PRKCA: variants seen among roughly 807,000 people sequenced by gnomAD.
The protein encoded by PRKCA is protein kinase C alpha type.
PRKCA carries 27 observed loss-of-function variants against 87.0 expected under a neutral mutation model. That is an observed-to-expected ratio of 0.31 (90% CI 0.23 to 0.43). The LOEUF (loss-of-function observed/expected upper bound fraction) is 0.43, where lower values mean the gene tolerates loss of function less well. PRKCA is among the 20% of genes least tolerant of loss of function. The pLI is 1.00. For missense variants in PRKCA, 518 were observed against 852.3 expected (o/e 0.61, Z 4.88); for synonymous variants, 329 against 311.1 (o/e 1.06, Z -0.61).
chr17:66,671,209 CAAAAAAAAAAAAA>C (rs778507190), intron 5 of PRKCA, among the ~76,000 whole-genome samples: 30 of 48,454 alleles, frequency 6.2e-4, no homozygotes, highest in East Asian at 2.7e-3. Flanking sequence ...AGACTCATCT[CAAAAAAAAAAAAA>C]AAAAAAAAAA....
At chr17:66,304,020 C>T (rs1375453112) in intron 1 of PRKCA, among the ~76,000 whole-genome samples, 5 of 152,046 alleles carry the variant, frequency 3.3e-5, no homozygotes, top group Non-Finnish European at 7.4e-5. Context: ...TGAAACAGAC[C>T]CTGTCAACTC....
chr17:66,320,271 A>T (rs1008437865), intron 2 of PRKCA, among the ~76,000 whole-genome samples: 2 of 151,696 alleles, frequency 1.3e-5, no homozygotes, highest in African/African-American at 4.8e-5. Flanking sequence ...TCCAGCCCCT[A>T]CCTCCTATAG....
chr17:66,493,261 ATATATGTG>A, intron 2 of PRKCA, among the ~76,000 whole-genome samples: 1 of 151,252 alleles, frequency 6.6e-6, no homozygotes, highest in Non-Finnish European at 1.5e-5. Context: ...TCTGAGTTGT[ATATATGTG>A]TATATGTGTA....
At chr17:66,309,819 A>G (rs1184831521) in intron 2 of PRKCA, among the ~76,000 whole-genome samples, 1 of 152,088 alleles carries the variant, frequency 6.6e-6, no homozygotes, top group Non-Finnish European at 1.5e-5. Context: ...CAGAGAAAGG[A>G]GAAGAAGACA....
intron 2 of PRKCA, among the ~76,000 whole-genome samples, chr17:66,346,366 A>G (rs150448231): frequency 0.015 from 2,314 of 151,698 alleles, 66 homozygotes; most frequent in African/African-American, 0.053. Context: ...CAAAGTGCTA[A>G]GATTACAGGC....
chr17:66,782,664 G>T (rs1298155129), intron 14 of PRKCA, among the ~76,000 whole-genome samples: 1 of 152,190 alleles, frequency 6.6e-6, no homozygotes, highest in African/African-American at 2.4e-5. Context: ...ACTCATCACT[G>T]CATATTGTGC....
At chr17:66,541,811 G>T (rs1422951425) in intron 3 of PRKCA, among the ~76,000 whole-genome samples, 2 of 152,208 alleles carry the variant, frequency 1.3e-5, no homozygotes, top group African/African-American at 2.4e-5. Flanking sequence ...CAACTGCATT[G>T]TTTAAAACTC....
At chr17:66,534,202 G>T (rs1967680729) in intron 3 of PRKCA, among the ~76,000 whole-genome samples, 1 of 152,248 alleles carries the variant, frequency 6.6e-6, no homozygotes, top group South Asian at 2.1e-4. Context: ...CCTCGGGTAG[G>T]AACTGGGTCA....
chr17:66,653,586 A>C (rs527647827), intron 5 of PRKCA, among the ~76,000 whole-genome samples: 1 of 152,242 alleles, frequency 6.6e-6, no homozygotes, highest in African/African-American at 2.4e-5. Flanking sequence ...GCAAAACCCC[A>C]TCTCCAAAAA....
chr17:66,329,756 A>G (rs1417225866), intron 2 of PRKCA, among the ~76,000 whole-genome samples: 1 of 152,168 alleles, frequency 6.6e-6, no homozygotes, highest in African/African-American at 2.4e-5. Flanking sequence ...GGCAGAGTAA[A>G]GGAAATACCT....
intron 8 of PRKCA, among the ~76,000 whole-genome samples, chr17:66,691,100 C>G (rs569553231): frequency 4.8e-4 from 73 of 152,030 alleles, no homozygotes; most frequent in African/African-American, 1.7e-3. Flanking sequence ...AAGATCACGC[C>G]AGTGCACTCC....
At chr17:66,308,620 A>G (rs1414053168) in intron 2 of PRKCA, among the ~76,000 whole-genome samples, 4 of 152,152 alleles carry the variant, frequency 2.6e-5, no homozygotes. Flanking sequence ...TTCCAATAGT[A>G]TACATTTATT....
chr17:66,358,107 T>C (rs1397696224), intron 2 of PRKCA, among the ~76,000 whole-genome samples: 1 of 152,208 alleles, frequency 6.6e-6, no homozygotes, highest in Non-Finnish European at 1.5e-5. Context: ...TAAGTACTTG[T>C]TTGTGTCATA....
At chr17:66,310,851 A>G (rs1905055288) in intron 2 of PRKCA, among the ~76,000 whole-genome samples, 1 of 152,182 alleles carries the variant, frequency 6.6e-6, no homozygotes, top group Non-Finnish European at 1.5e-5. Flanking sequence ...GCTGAGTTGT[A>G]TGGACACCAA....
intron 5 of PRKCA, chr17:66,677,199 A>G (rs1405298007): frequency 6.6e-6 from 1 of 150,442 alleles, no homozygotes; most frequent in African/African-American, 2.5e-5. Context: ...CCTGCCTCAG[A>G]CCCCTGAGTA....
chr17:66,510,504 C>CA (rs1917175543), intron 3 of PRKCA, among the ~76,000 whole-genome samples: 1 of 152,160 alleles, frequency 6.6e-6, no homozygotes, highest in South Asian at 2.1e-4. Context: ...GATGGCTTAT[C>CA]ATGTAGAGAG....
At chr17:66,470,426 C>A (rs945008380) in intron 2 of PRKCA, among the ~76,000 whole-genome samples, 1 of 151,678 alleles carries the variant, frequency 6.6e-6, no homozygotes, top group Non-Finnish European at 1.5e-5. Context: ...CGGGGTTTCA[C>A]CATGTTGGCC....
At chr17:66,651,515 G>A (rs1244169212) in intron 5 of PRKCA, among the ~76,000 whole-genome samples, 1 of 152,184 alleles carries the variant, frequency 6.6e-6, no homozygotes, top group Non-Finnish European at 1.5e-5. Context: ...CTTTGCACAG[G>A]TACCTTTTGC....
intron 8 of PRKCA, among the ~76,000 whole-genome samples, chr17:66,715,969 C>G (rs1452261926): frequency 6.6e-6 from 1 of 152,168 alleles, no homozygotes; most frequent in African/African-American, 2.4e-5. Flanking sequence ...TCAACTGTTG[C>G]CTGGATGTCT....
Sources: allele counts gnomAD v4.1 joint callset (sites outside exome capture counted in the v4.1 genomes callset), GRCh38; gene constraint gnomAD v4.1.1; transcripts MANE v1.5; gene names NCBI Gene and HGNC (gene_info 2026-07-23, HGNC 2026-07-21).